PTK7: variants seen among roughly 807,000 people sequenced by gnomAD.
PTK7 encodes protein tyrosine kinase 7 (inactive), also known as inactive tyrosine-protein kinase 7.
PTK7 carries 39 observed loss-of-function variants against 116.6 expected under a neutral mutation model. The observed-to-expected ratio is 0.33, with a 90% CI of 0.26 to 0.44. PTK7 has a LOEUF of 0.44. PTK7 is among the 20% of genes least tolerant of loss of function. The pLI, the probability that PTK7 is intolerant of heterozygous loss-of-function variation, is 1.00. For synonymous variants in PTK7, 546 were observed against 563.6 expected (o/e 0.97, Z 0.44); for missense variants, 1,169 against 1,425.6 (o/e 0.82, Z 2.90).
At chr6:43,116,651 T>TGTGTGC (rs1323606377) in intron 1 of PTK7, among the ~76,000 whole-genome samples, 8 of 77,278 alleles carry the variant, frequency 1.0e-4, no homozygotes, top group African/African-American at 2.6e-4. Context: ...TGTGTGTGTG[T>TGTGTGC]GCGCGCGCAC....
intron 1 of PTK7, among the ~76,000 whole-genome samples, chr6:43,124,011 A>G (rs1769128080): frequency 6.6e-6 from 1 of 152,190 alleles, no homozygotes; most frequent in Non-Finnish European, 1.5e-5. Flanking sequence ...GCAAAGCTGC[A>G]CATGGAGCTG....
At chr6:43,156,542 A>G (rs1204314279) in intron 17 of PTK7, among the ~76,000 whole-genome samples, 2 of 151,414 alleles carry the variant, frequency 1.3e-5, no homozygotes, top group East Asian at 3.9e-4. Context: ...CAGGAGGGCG[A>G]GGCTGCAGTG....
rs1481640333 is a variant in PTK7, at chr6:43,145,874, C to G, written c.2640+442C>G. ...ACATGAGTGTTACCCCAGCCACCAG[C>G]CTTCTCCTCTCCACTCAGGGTGTCA... On this transcript the variant is annotated intron_variant, in intron 16 of 19. Transcript: ENST00000230419. This position sits in a 1 kb window ranked among gnomAD's most constrained non-coding sequence, Gnocchi z 4.8. 1 of 146,580 alleles carries G rather than the reference C, an allele frequency of 6.8e-6. No individual in the cohort carries two copies. The allele number at this position is 146,580 out of a possible 1,614,324, so 9.1% of individuals were successfully genotyped here.
At chr6:43,148,952 G>A (rs571229415) in intron 17 of PTK7, among the ~76,000 whole-genome samples, 5 of 151,392 alleles carry the variant, frequency 3.3e-5, no homozygotes, top group Non-Finnish European at 7.4e-5. Context: ...CAAGCTACTC[G>A]GGAGGCTGAG....
chr6:43,093,183 CTTTTTT>C (rs72414606), intron 1 of PTK7, among the ~76,000 whole-genome samples: 6 of 84,772 alleles, frequency 7.1e-5, no homozygotes, highest in African/African-American at 3.1e-4. Context: ...ATAGGATCTC[CTTTTTT>C]TTTTTTTTTT....
chr6:43,150,799 T>C (rs1294810503), intron 17 of PTK7, among the ~76,000 whole-genome samples: 1 of 98,742 alleles, frequency 1.0e-5, no homozygotes, highest in Admixed American at 1.0e-4. Context: ...TTTTTTTTTT[T>C]TTTTTTTTTT....
At chr6:43,153,029 G>A (rs996871484) in intron 17 of PTK7, among the ~76,000 whole-genome samples, 48 of 151,860 alleles carry the variant, frequency 3.2e-4, no homozygotes, top group African/African-American at 1.1e-3. Context: ...CAAGTGATCC[G>A]CCTGCCTCGG....
chr6:43,154,130 T>C lies in PTK7; in HGVS notation c.2722-4687T>C, dbSNP rs139102004. Reference sequence around the variant, plus strand: ...GTGAGCCGAGATAGCGCCACTGCACTCCAGCCTGGGTGACAGAGCAAGACT... The same window carrying C: ...GTGAGCCGAGATAGCGCCACTGCACCCCAGCCTGGGTGACAGAGCAAGACT... On this transcript the variant is annotated intron_variant, in intron 17 of 19. Coordinates refer to ENST00000230419, the MANE Select transcript of PTK7 (RefSeq NM_002821.5). Among the ~76,000 whole-genome samples the C allele has an allele frequency of 7.1e-3, 1,078 of 152,064 alleles. 8 individuals are homozygous for C. The highest frequency in any genetic ancestry group is 0.013 in the Non-Finnish European group (855 of 67,970).
At chr6:43,114,820 G>A (rs570600452) in intron 1 of PTK7, among the ~76,000 whole-genome samples, 59 of 152,102 alleles carry the variant, frequency 3.9e-4, no homozygotes, top group African/African-American at 1.4e-3. Flanking sequence ...CAGGCGGATT[G>A]CCTGAGGTCA....
chr6:43,085,817 C>T (rs923995738), intron 1 of PTK7, among the ~76,000 whole-genome samples: 3 of 151,600 alleles, frequency 2.0e-5, no homozygotes, highest in African/African-American at 7.3e-5. Flanking sequence ...CCCGTAATCC[C>T]AGCTACTCAG....
Position 43,129,464 on chromosome 6 carries a change from C to A in PTK7, c.367+200C>A. Reference sequence around the variant, plus strand: ...TTTTCCAAAATTTTTTCCTTCAAGTCTGGGACCCATTTATCTGCTGCATGC... The same window carrying A: ...TTTTCCAAAATTTTTTCCTTCAAGTATGGGACCCATTTATCTGCTGCATGC... On this transcript the variant is annotated intron_variant, in intron 2 of 19. Transcript: ENST00000230419. The surrounding 1 kb of genome is among the most constrained non-coding windows in gnomAD (Gnocchi z 4.5). 1 of 831,756 alleles carries A rather than the reference C, an allele frequency of 1.2e-6. No individual in the cohort carries two copies. Among genetic ancestry groups the A allele is most frequent in the Non-Finnish European group, 1.8e-6 (1 of 547,538 alleles). The allele number at this position is 831,756 out of a possible 1,614,324, so 51.5% of individuals were successfully genotyped here.
At chr6:43,132,225 G>C in intron 6 of PTK7, 61 bp downstream of exon 6, 6 of 1,546,878 alleles carry the variant, frequency 3.9e-6, no homozygotes, top group Non-Finnish European at 5.2e-6. Context: ...TTGGCACATA[G>C]AGATTTAGGC....
chr6:43,138,994 G>T lies in PTK7; in HGVS notation c.1362+12G>T. ...TGCTCATCTCAGAGGTGAGAAAGAA[G>T]AGTGTTGCTAGTGGATGGGCGGGGC... On this transcript the variant is annotated intron_variant, in intron 8 of 19. Coordinates refer to ENST00000230419, the MANE Select transcript of PTK7 (RefSeq NM_002821.5). 1 of 1,612,818 alleles carries T rather than the reference G, an allele frequency of 6.2e-7. No individual in the cohort carries two copies. Among genetic ancestry groups the T allele is most frequent in the Non-Finnish European group, 8.5e-7 (1 of 1,179,102 alleles).
intron 1 of PTK7, among the ~76,000 whole-genome samples, chr6:43,097,561 A>G (rs1018504857): frequency 2.6e-5 from 4 of 152,214 alleles, no homozygotes; most frequent in Non-Finnish European, 5.9e-5. Flanking sequence ...AAGTTTCTGA[A>G]TCACTGCTCT....
At chr6:43,149,794 A>G (rs1245099369) in intron 17 of PTK7, among the ~76,000 whole-genome samples, 1 of 152,190 alleles carries the variant, frequency 6.6e-6, no homozygotes, top group Non-Finnish European at 1.5e-5. Context: ...GATGTTTTCT[A>G]TCCTGTCCTC....
At chr6:43,130,090 T>C in intron 3 of PTK7, 140 bp from the exon 4 acceptor site, 1 of 934,472 alleles carries the variant, frequency 1.1e-6, no homozygotes, top group East Asian at 2.4e-5. Flanking sequence ...CTGTGTGCCC[T>C]TTTGCAAGTC....
intron 1 of PTK7, among the ~76,000 whole-genome samples, chr6:43,099,293 C>T (rs186252997): frequency 6.7e-6 from 1 of 149,884 alleles, no homozygotes; most frequent in Admixed American, 6.7e-5. Context: ...AGTGCAGTGG[C>T]ACAATCATGG....
chr6:43,116,539 G>A (rs1202440761), intron 1 of PTK7, among the ~76,000 whole-genome samples: 1 of 152,024 alleles, frequency 6.6e-6, no homozygotes, highest in Non-Finnish European at 1.5e-5. Context: ...GAAACCAGCC[G>A]AGGTCCAGCC....
Position 43,161,100 on chromosome 6 carries a change from G to C in PTK7, c.*219G>C, listed in dbSNP as rs1359495303. 1.6e-6 allele frequency: 1 copy of C among 619,922 alleles called. No individual in the cohort carries two copies. Among genetic ancestry groups the C allele is most frequent in the African/African-American group, 1.8e-5 (1 of 54,518 alleles). 38.4% of individuals were successfully genotyped at this position (619,922 alleles called of 1,614,324 possible). A position where few individuals can be genotyped will look rare whatever the true frequency, so the allele number is the denominator to read the frequency against. On this transcript the variant is annotated 3_prime_UTR_variant, in exon 20 of 20. Coordinates refer to ENST00000230419, the MANE Select transcript of PTK7 (RefSeq NM_002821.5). ...ACCCAAACTGGGCGACTAGGGCTTT[G>C]AGCTGGGCAGTTTTCCCTGCCACCT...
Sources: gnomAD v4.1 joint callset for allele counts (sites outside exome capture counted in the v4.1 genomes callset) on GRCh38, gnomAD v4.1.1 for gene constraint, Gnocchi (gnomAD v3.1) non-coding constraint, MANE v1.5 for transcripts, NCBI Gene and HGNC (gene_info 2026-07-23, HGNC 2026-07-21) for gene names.